The following ENPP1 variants were observed in gnomAD, a reference collection of about 807,000 sequenced individuals.
ENPP1 encodes the protein ectonucleotide pyrophosphatase/phosphodiesterase 1.
In ENPP1, 73 loss-of-function variants were observed where a neutral mutation model predicts 122.8. That is an observed-to-expected ratio of 0.59 (90% CI 0.49 to 0.72). ENPP1 has a LOEUF of 0.72. Among genes scored for constraint, ENPP1 ranks in the 30% least tolerant of loss-of-function variants. The pLI is 0.00. For synonymous variants in ENPP1, 367 were observed against 391.6 expected (o/e 0.94, Z 0.74); for missense variants, 978 against 1,128.1 (o/e 0.87, Z 1.91).
At chr6:131,848,587 C>G (rs1781843063) in intron 2 of ENPP1, among the ~76,000 whole-genome samples, 1 of 152,094 alleles carries the variant, frequency 6.6e-6, no homozygotes, top group Non-Finnish European at 1.5e-5. Context: ...TTTTATGTAT[C>G]AGTAAACTAT....
intron 1 of ENPP1, among the ~76,000 whole-genome samples, chr6:131,829,113 CTA>C (rs1307041564): frequency 1.3e-5 from 2 of 152,244 alleles, no homozygotes; most frequent in Non-Finnish European, 2.9e-5. Flanking sequence ...GCAGGAAAAA[CTA>C]TGTTTTTTGG....
At chr6:131,836,940 G>T (rs1026984554) in intron 1 of ENPP1, among the ~76,000 whole-genome samples, 2 of 152,186 alleles carry the variant, frequency 1.3e-5, no homozygotes, top group Non-Finnish European at 2.9e-5. Flanking sequence ...CTCATGCAGA[G>T]AGGTCCTAGA....
chr6:131,829,283 C>A (rs1358663374), intron 1 of ENPP1, among the ~76,000 whole-genome samples: 1 of 152,252 alleles, frequency 6.6e-6, no homozygotes, highest in African/African-American at 2.4e-5. Flanking sequence ...TAATTTAATA[C>A]TACTTTTATT....
chr6:131,826,160 C>T (rs1164901944), intron 1 of ENPP1: 1 of 869,646 alleles, frequency 1.1e-6, no homozygotes, highest in African/African-American at 1.6e-5. Flanking sequence ...GACAGCTGAC[C>T]CACATGAGGG....
At position 131,854,925 on chromosome 6, in the gene ENPP1, G is replaced by A; in HGVS notation, c.618-1G>A. 1 of 1,609,754 alleles carries A rather than the reference G, an allele frequency of 6.2e-7. No homozygotes were observed. The highest frequency in any genetic ancestry group is 8.5e-7 in the Non-Finnish European group (1 of 1,176,340). ...ATTTTTTTTTCTTTTTCATTACCCA[G>A]GTTTGAAACGCCTCCTACCCTCTTA... On this transcript the variant is annotated splice_acceptor_variant, in intron 5 of 24. Coordinates refer to ENST00000647893, the MANE Select transcript of ENPP1 (RefSeq NM_006208.3). LOFTEE classifies it high-confidence loss of function.
rs367965083 is a variant in ENPP1, at chr6:131,871,342, T to A, written c.1406-728T>A. 1.1e-3 allele frequency among the ~76,000 whole-genome samples: 160 copies of A among 152,308 alleles called. 7 individuals carry two copies. The South Asian group carries it at 0.032, about 31-fold the overall frequency. On this transcript the variant is annotated intron_variant, in intron 13 of 24. Coordinates refer to ENST00000647893, the MANE Select transcript of ENPP1 (RefSeq NM_006208.3). ...TTGATTTGTAGTAGAAAGTACCCTATGTAAATCCATGGGCATACTATGCAA... is the reference window on the plus strand; with the variant it reads ...TTGATTTGTAGTAGAAAGTACCCTAAGTAAATCCATGGGCATACTATGCAA...
At chr6:131,828,245 G>C in intron 1 of ENPP1, 1 of 554,650 alleles carries the variant, frequency 1.8e-6, no homozygotes, top group Admixed American at 2.0e-5. Context: ...ATTCCACTTT[G>C]TAAGAAGACA....
intron 20 of ENPP1, 57 bp downstream of exon 20, chr6:131,880,091 C>T (rs756467158): frequency 3.0e-4 from 449 of 1,481,900 alleles, no homozygotes; most frequent in Non-Finnish European, 3.8e-4. Flanking sequence ...TTAAGCAGAA[C>T]ATTAAATGCA....
At chr6:131,848,171 T>C (rs1303196454) in intron 2 of ENPP1, among the ~76,000 whole-genome samples, 5 of 152,178 alleles carry the variant, frequency 3.3e-5, no homozygotes, top group Non-Finnish European at 1.5e-5. Flanking sequence ...AGCAACCCTG[T>C]AGGTTACTAG....
At chr6:131,864,278 G>A (rs969935888) in intron 9 of ENPP1, among the ~76,000 whole-genome samples, 5 of 152,122 alleles carry the variant, frequency 3.3e-5, no homozygotes, top group Non-Finnish European at 7.4e-5. Flanking sequence ...CTCAAGTAGA[G>A]GATAGCAAGC....
At chr6:131,855,103 T>C (rs990785510) in intron 6 of ENPP1, 80 bp downstream of exon 6, 24 of 1,037,404 alleles carry the variant, frequency 2.3e-5, no homozygotes, top group Non-Finnish European at 3.2e-5. Context: ...CTTGGAAAAG[T>C]ACTGGCAGAA....
intron 1 of ENPP1, among the ~76,000 whole-genome samples, chr6:131,813,343 AG>A (rs1456070572): frequency 6.6e-6 from 1 of 151,942 alleles, no homozygotes; most frequent in Non-Finnish European, 1.5e-5. Flanking sequence ...CTTCAAAAAA[AG>A]GGTGAAACCT....
intron 18 of ENPP1, chr6:131,877,377 G>C: frequency 1.7e-6 from 1 of 574,788 alleles, no homozygotes; most frequent in South Asian, 1.9e-5. Context: ...ATTCCTTGGA[G>C]CTGTGACTTG....
At chr6:131,855,231 A>T (rs1210431517) in intron 6 of ENPP1, among the ~76,000 whole-genome samples, 1 of 152,178 alleles carries the variant, frequency 6.6e-6, no homozygotes, top group Non-Finnish European at 1.5e-5. Flanking sequence ...TAATATAGTT[A>T]TCTTCGAATT....
At chr6:131,857,431 A>G (rs1226792296) in intron 6 of ENPP1, among the ~76,000 whole-genome samples, 2 of 150,982 alleles carry the variant, frequency 1.3e-5, no homozygotes, top group East Asian at 3.9e-4. Context: ...CTGGATTAAG[A>G]AAATGTGGCA....
chr6:131,869,002 G>T (rs946114539), intron 12 of ENPP1, among the ~76,000 whole-genome samples: 17 of 152,200 alleles, frequency 1.1e-4, no homozygotes, highest in Non-Finnish European at 2.4e-4. Context: ...CTTGGAATGA[G>T]AGTGAATCAT....
intron 6 of ENPP1, 67 bp from the exon 7 acceptor site, chr6:131,858,601 A>C: frequency 1.0e-6 from 1 of 982,684 alleles, no homozygotes; most frequent in South Asian, 1.3e-5. Context: ...CTGTGGTACC[A>C]CTGCTAAATG....
intron 1 of ENPP1, among the ~76,000 whole-genome samples, chr6:131,844,728 T>A (rs928550345): frequency 1.3e-5 from 2 of 151,726 alleles, no homozygotes; most frequent in African/African-American, 2.4e-5. Flanking sequence ...GCCAGAGGAG[T>A]CTAGTGAAGC....
In ENPP1 at chr6:131,860,419, C is replaced by G; in HGVS notation, c.828C>G (p.Asp276Glu). 2 of 1,596,660 alleles carry G rather than the reference C, an allele frequency of 1.3e-6. No individual in the cohort carries two copies. Among genetic ancestry groups the G allele is most frequent in the Non-Finnish European group, 1.7e-6 (2 of 1,164,796 alleles). The change falls in exon 8 of 25, where the codon GAC (aspartate) becomes GAG (glutamate). Residue 276 changes from aspartate to glutamate, a missense_variant. By Grantham distance (45) the Asp-to-Glu change is conservative. Coordinates refer to ENST00000647893, the MANE Select transcript of ENPP1 (RefSeq NM_006208.3). Reference protein sequence around the residue: ...GLYPESHGIIDNKMYDPKMNA... With the variant: ...GLYPESHGIIENKMYDPKMNA... ...ATCCAGAATCTCATGGCATAATCGA[C>G]AATAAAATGTATGATCCCAAAATGA...
Sources: allele counts gnomAD v4.1 joint callset (sites outside exome capture counted in the v4.1 genomes callset), GRCh38; gene constraint gnomAD v4.1.1; transcripts MANE v1.5; gene names NCBI Gene and HGNC (gene_info 2026-07-23, HGNC 2026-07-21).